CNTNAP4: variants seen among roughly 807,000 people sequenced by gnomAD.
The protein encoded by CNTNAP4 is contactin-associated protein-like 4.
In CNTNAP4, 98 loss-of-function variants were observed where a neutral mutation model predicts 148.4. That is an observed-to-expected ratio of 0.66 (90% confidence interval 0.56 to 0.78). The LOEUF (loss-of-function observed/expected upper bound fraction) is 0.78. CNTNAP4 is among the 30% of genes least tolerant of loss of function. CNTNAP4 has a pLI of 0.00. For missense variants in CNTNAP4, 1,935 were observed against 1,565.6 expected (o/e 1.24, Z -3.98); for synonymous variants, 730 against 565.1 (o/e 1.29, Z -4.14).
At chr16:76,341,143 C>A (rs1022165236) in intron 2 of CNTNAP4, among the ~76,000 whole-genome samples, 2 of 152,180 alleles carry the variant, frequency 1.3e-5, no homozygotes, top group Non-Finnish European at 2.9e-5. Flanking sequence ...TCCTGTTAGT[C>A]CTTCAGTATA....
At chr16:76,428,937 T>A (rs2145058758) in intron 4 of CNTNAP4, among the ~76,000 whole-genome samples, 1 of 152,218 alleles carries the variant, frequency 6.6e-6, no homozygotes, top group Middle Eastern at 3.4e-3. Context: ...AGCTAAAGCT[T>A]AGAGAGGTTG....
At chr16:76,441,445 C>T (rs760831542) in intron 4 of CNTNAP4, among the ~76,000 whole-genome samples, 30 of 152,088 alleles carry the variant, frequency 2.0e-4, no homozygotes, top group Non-Finnish European at 4.1e-4. Flanking sequence ...CCTACGGGCA[C>T]AGGGAGAATT....
At chr16:76,379,436 CTTTG>C (rs142147331) in intron 3 of CNTNAP4, among the ~76,000 whole-genome samples, 4,479 of 152,136 alleles carry the variant, frequency 0.029, 187 homozygotes, top group African/African-American at 0.098. Flanking sequence ...CTCGTTTAAA[CTTTG>C]TTTGGGGTTT....
chr16:76,506,323 A>G (rs2082832125), intron 15 of CNTNAP4, among the ~76,000 whole-genome samples: 2 of 93,940 alleles, frequency 2.1e-5, no homozygotes, highest in Non-Finnish European at 3.0e-5. Flanking sequence ...ACTGTGATTC[A>G]GGGGGTGTGG....
At chr16:76,423,949 A>G (rs1282536065) in intron 3 of CNTNAP4, among the ~76,000 whole-genome samples, 1 of 152,138 alleles carries the variant, frequency 6.6e-6, no homozygotes. Context: ...AAATTAATAC[A>G]TGCCCATTAA....
intron 15 of CNTNAP4, among the ~76,000 whole-genome samples, chr16:76,518,496 T>G (rs1450678419): frequency 6.6e-6 from 1 of 152,194 alleles, no homozygotes; most frequent in Non-Finnish European, 1.5e-5. Flanking sequence ...GTTTAGAGAA[T>G]TTTATTTTTA....
intron 1 of CNTNAP4, among the ~76,000 whole-genome samples, chr16:76,281,766 A>G (rs181816392): frequency 2.6e-5 from 4 of 152,012 alleles, no homozygotes; most frequent in Non-Finnish European, 4.4e-5. Flanking sequence ...CTGTTTTTGT[A>G]TGACCCATGG....
intron 23 of CNTNAP4, chr16:76,558,062 A>G (rs1307478232): frequency 1.3e-5 from 2 of 153,170 alleles, no homozygotes; most frequent in Non-Finnish European, 2.9e-5. Flanking sequence ...CAGTATAACA[A>G]TTGAATAACA....
chr16:76,543,711 A>G lies in CNTNAP4; in HGVS notation c.3442+2921A>G, dbSNP rs570501254. On this transcript the variant is annotated intron_variant, in intron 21 of 23. Coordinates refer to ENST00000611870, the MANE Select transcript of CNTNAP4 (RefSeq NM_033401.5). The stretch of plus-strand genomic sequence containing the variant: ...AGGAGTCCCTTGTTTGCCAGGGATG[A>G]GCCTGTCTTGGAATGCCTGCTGTGA... Among the ~76,000 whole-genome samples the G allele has an allele frequency of 3.3e-5, 5 of 152,320 alleles. No homozygotes were observed. In the East Asian group the frequency reaches 9.7e-4, roughly 29 times the overall value.
At chr16:76,314,458 C>T (rs919728110) in intron 1 of CNTNAP4, among the ~76,000 whole-genome samples, 15 of 152,258 alleles carry the variant, frequency 9.9e-5, no homozygotes, top group African/African-American at 3.1e-4. Context: ...TATGTGTATA[C>T]ACACATATGT....
chr16:76,519,583 C>G (rs551044546), intron 15 of CNTNAP4, among the ~76,000 whole-genome samples: 1 of 152,216 alleles, frequency 6.6e-6, no homozygotes, highest in African/African-American at 2.4e-5. Context: ...CTTCTGAAAA[C>G]AGATCAGCTA....
At chr16:76,518,851 C>T (rs1568480733) in intron 15 of CNTNAP4, among the ~76,000 whole-genome samples, 1 of 152,182 alleles carries the variant, frequency 6.6e-6, no homozygotes, top group African/African-American at 2.4e-5. Context: ...TCTTTTCCCC[C>T]TCCGCCATTT....
intron 3 of CNTNAP4, among the ~76,000 whole-genome samples, chr16:76,410,289 A>G (rs1389213969): frequency 6.6e-6 from 1 of 151,822 alleles, no homozygotes; most frequent in African/African-American, 2.4e-5. Context: ...TGAACATGAA[A>G]TAAATGAGAT....
intron 2 of CNTNAP4, among the ~76,000 whole-genome samples, chr16:76,354,197 G>T (rs895830074): frequency 6.6e-6 from 1 of 152,020 alleles, no homozygotes; most frequent in Non-Finnish European, 1.5e-5. Flanking sequence ...ACCCTATTTC[G>T]TAACTTTTAC....
intron 3 of CNTNAP4, among the ~76,000 whole-genome samples, chr16:76,366,781 G>C (rs573486855): frequency 1.9e-4 from 29 of 151,400 alleles, no homozygotes; most frequent in African/African-American, 5.6e-4. Flanking sequence ...AAGATATCAA[G>C]GAAAAAAATG....
At chr16:76,394,985 T>C (rs1022590931) in intron 3 of CNTNAP4, among the ~76,000 whole-genome samples, 1 of 152,142 alleles carries the variant, frequency 6.6e-6, no homozygotes, top group African/African-American at 2.4e-5. Flanking sequence ...GATGGAGAAT[T>C]AATAGAACAA....
rs2083376517 is a variant in CNTNAP4 at position 76,519,431 on chromosome 16, A to G, written c.2366-1709A>G. On this transcript the variant is annotated intron_variant, in intron 15 of 23. Coordinates refer to ENST00000611870, the MANE Select transcript of CNTNAP4 (RefSeq NM_033401.5). ...ATATGAAAAAAATAAATGTTATGTCATAATATTACCTAATTTAAACCTTTA... is the reference window on the plus strand; with the variant it reads ...ATATGAAAAAAATAAATGTTATGTCGTAATATTACCTAATTTAAACCTTTA... Among the ~76,000 whole-genome samples, 4 of 152,310 alleles carry G rather than the reference A, an allele frequency of 2.6e-5. No individual in the cohort carries two copies. In the South Asian group the frequency reaches 8.3e-4, roughly 32 times the overall value.
chr16:76,527,053 C>G (rs1402260521), intron 17 of CNTNAP4, among the ~76,000 whole-genome samples: 3 of 152,112 alleles, frequency 2.0e-5, no homozygotes, highest in Admixed American at 2.0e-4. Flanking sequence ...AAGCTGTTTC[C>G]TGGCTCCACA....
intron 1 of CNTNAP4, among the ~76,000 whole-genome samples, chr16:76,294,599 T>C (rs1339375942): frequency 1.3e-5 from 2 of 152,206 alleles, no homozygotes; most frequent in Admixed American, 1.3e-4. Flanking sequence ...AGTAAAATAT[T>C]TTTTACATTC....
Sources: gnomAD v4.1 joint callset for allele counts (sites outside exome capture counted in the v4.1 genomes callset) on GRCh38, gnomAD v4.1.1 for gene constraint, MANE v1.5 for transcripts, NCBI Gene and HGNC (gene_info 2026-07-23, HGNC 2026-07-21) for gene names.